Variants in RARB observed in about 807,000 individuals in gnomAD.
RARB encodes retinoic acid receptor beta, also known as HBV-activated protein.
RARB carries 17 observed loss-of-function variants against 51.9 expected under a neutral mutation model. That is an observed-to-expected ratio of 0.33 (90% CI 0.22 to 0.49). The LOEUF (loss-of-function observed/expected upper bound fraction) is 0.49, where lower values mean the gene tolerates loss of function less well. Ranked by LOEUF, RARB falls within the 20% of genes least tolerant of loss-of-function variation. RARB has a pLI of 0.99. For missense variants in RARB, 369 were observed against 550.8 expected (o/e 0.67, Z 3.30); for synonymous variants, 215 against 195.4 (o/e 1.10, Z -0.84).
At chr3:25,070,656 G>T (rs1698749400) in intron 3 of RARB, among the ~76,000 whole-genome samples, 1 of 152,212 alleles carries the variant, frequency 6.6e-6, no homozygotes, top group Non-Finnish European at 1.5e-5. Context: ...ATATTTGCCA[G>T]ACACAATCCC....
At chr3:25,040,373 C>A (rs1374068445) in intron 2 of RARB, among the ~76,000 whole-genome samples, 1 of 152,106 alleles carries the variant, frequency 6.6e-6, no homozygotes, top group African/African-American at 2.4e-5. Context: ...AGGGTGGAAT[C>A]CATTACTATG....
At chr3:24,903,452 T>C (rs996937759) in intron 2 of RARB, among the ~76,000 whole-genome samples, 2 of 152,200 alleles carry the variant, frequency 1.3e-5, no homozygotes, top group African/African-American at 2.4e-5. Context: ...TCTTTCTTTA[T>C]ATATTTGTAA....
Position 25,245,249 on chromosome 3 carries a change from C to G in RARB, c.178+70674C>G, listed in dbSNP as rs112380794. On this transcript the variant is annotated intron_variant, in intron 5 of 11. Coordinates refer to the RARB transcript ENST00000383772. ...ATACACCACACAGATGGGTTTTGAT[C>G]TTTATCCAATTTGCCAATTTGTGCC... Among the ~76,000 whole-genome samples, 59 of 152,186 alleles carry G rather than the reference C, an allele frequency of 3.9e-4. 2 individuals are homozygous for G. Among genetic ancestry groups the G allele is most frequent in the African/African-American group, 1.4e-3 (57 of 41,546 alleles).
chr3:25,094,722 A>AC (rs1211144713), intron 3 of RARB, among the ~76,000 whole-genome samples: 2 of 144,312 alleles, frequency 1.4e-5, no homozygotes, highest in Admixed American at 6.8e-5. Flanking sequence ...ATCTCAAAAA[A>AC]AAAAAAAAAA....
intron 2 of RARB, among the ~76,000 whole-genome samples, chr3:25,467,215 G>C (rs1695474894): frequency 1.3e-5 from 2 of 152,202 alleles, no homozygotes; most frequent in African/African-American, 4.8e-5. Context: ...GAGGTTTCTG[G>C]AACATAGTCT....
intron 1 of RARB, among the ~76,000 whole-genome samples, chr3:25,444,197 A>C (rs1708828809): frequency 6.6e-6 from 1 of 152,222 alleles, no homozygotes; most frequent in South Asian, 2.1e-4. Flanking sequence ...ATTCCTAGGC[A>C]CTGAGAGGTT....
intron 3 of RARB, among the ~76,000 whole-genome samples, chr3:25,107,483 T>C (rs558343021): frequency 2.6e-5 from 4 of 152,314 alleles, no homozygotes; most frequent in African/African-American, 9.6e-5. Context: ...ATTATGAATA[T>C]AATTACTAAA....
At chr3:25,288,880 T>C (rs1162380782) in intron 5 of RARB, among the ~76,000 whole-genome samples, 4 of 152,180 alleles carry the variant, frequency 2.6e-5, no homozygotes, top group Non-Finnish European at 5.9e-5. Flanking sequence ...CCCTCCCTTT[T>C]ATGCAAGTTT....
At chr3:25,521,164 G>A (rs1054089009) in intron 3 of RARB, among the ~76,000 whole-genome samples, 4 of 152,182 alleles carry the variant, frequency 2.6e-5, no homozygotes, top group African/African-American at 9.7e-5. Flanking sequence ...TTCTCCTGAA[G>A]TCCACATCAC....
In RARB at chr3:25,045,623, C is replaced by G. The variant is rs184315017; in HGVS notation, c.-379-14502C>G. ...ACCAGAACAATGAGACATGACTGAA[C>G]AGTTTTTTTCAGATTTATATTTTCT... On this transcript the variant is annotated intron_variant, in intron 2 of 11. Coordinates refer to the RARB transcript ENST00000383772. 1.2e-4 allele frequency among the ~76,000 whole-genome samples: 18 copies of G among 152,264 alleles called. No individual in the cohort carries two copies. The East Asian group carries it at 2.5e-3, about 21-fold the overall frequency.
At chr3:25,156,708 T>G (rs1700381204) in intron 4 of RARB, among the ~76,000 whole-genome samples, 1 of 152,160 alleles carries the variant, frequency 6.6e-6, no homozygotes, top group South Asian at 2.1e-4. Context: ...TTTGAGTCCT[T>G]CTTGGCATAA....
intron 5 of RARB, among the ~76,000 whole-genome samples, chr3:25,586,070 A>G (rs59116824): frequency 5.3e-5 from 8 of 152,032 alleles, no homozygotes; most frequent in Non-Finnish European, 7.4e-5. Flanking sequence ...CCAACTCACA[A>G]GGGCGCCTCT....
At position 25,169,895 on chromosome 3, in the gene RARB, G is replaced by A. The variant is rs192104270; in HGVS notation, c.-279-4224G>A. Among the ~76,000 whole-genome samples, 31 of 151,930 alleles carry A rather than the reference G, an allele frequency of 2.0e-4. No individual in the cohort carries two copies. In the East Asian group the frequency reaches 5.0e-3, roughly 25 times the overall value. On this transcript the variant is annotated intron_variant, in intron 4 of 11. Coordinates refer to the RARB transcript ENST00000383772. ...TCCAGCTACTCTGGAGACTGAGGTG[G>A]AAAGATTGCTTGTGCTCAGGTGTTT...
chr3:25,333,034 A>G (rs1704952609), intron 5 of RARB, among the ~76,000 whole-genome samples: 1 of 152,230 alleles, frequency 6.6e-6, no homozygotes, highest in Non-Finnish European at 1.5e-5. Flanking sequence ...AGAGGACACA[A>G]ACAAATGGAA....
intron 4 of RARB, among the ~76,000 whole-genome samples, chr3:25,170,350 C>T (rs1448744011): frequency 6.6e-6 from 1 of 152,112 alleles, no homozygotes; most frequent in Non-Finnish European, 1.5e-5. Flanking sequence ...AGAGCTGTGG[C>T]TCTCAAATGT....
At chr3:25,426,921 G>A (rs1215715011), upstream of RARB, among the ~76,000 whole-genome samples, 1 of 152,198 alleles carries the variant, frequency 6.6e-6, no homozygotes, top group Admixed American at 6.5e-5. Flanking sequence ...GGTTGGGTCA[G>A]TGTGAGAGAT....
intron 5 of RARB, among the ~76,000 whole-genome samples, chr3:25,338,942 G>A (rs1705142650): frequency 6.6e-6 from 1 of 152,126 alleles, no homozygotes; most frequent in Non-Finnish European, 1.5e-5. Flanking sequence ...TGAGAGAACA[G>A]TTGAGATCCA....
rs1233628359 is a variant in RARB, at chr3:25,343,983, A to G, written c.179-117210A>G. Among the ~76,000 whole-genome samples, 4 of 152,218 alleles carry G rather than the reference A, an allele frequency of 2.6e-5. 1 individual carries two copies. In the East Asian group the frequency reaches 7.7e-4, roughly 29 times the overall value. On this transcript the variant is annotated intron_variant, in intron 5 of 11. Coordinates refer to the RARB transcript ENST00000383772. ...AAAGTGTAGTTTGATGCCTGCCATC[A>G]TGGTCTCTAAATGTGTGGCATATCC...
intron 2 of RARB, among the ~76,000 whole-genome samples, chr3:24,929,982 G>C (rs1695405316): frequency 1.3e-5 from 2 of 152,064 alleles, no homozygotes; most frequent in Admixed American, 1.3e-4. Context: ...ATTTGGTACA[G>C]AGTATGATAG....
Sources: allele counts gnomAD v4.1 joint callset (sites outside exome capture counted in the v4.1 genomes callset), GRCh38; gene constraint gnomAD v4.1.1; transcripts MANE v1.5; gene names NCBI Gene and HGNC (gene_info 2026-07-23, HGNC 2026-07-21).